CIITA: variants seen among roughly 807,000 people sequenced by gnomAD.
CIITA encodes class II major histocompatibility complex transactivator, also known as MHC class II transactivator.
In CIITA, 72 loss-of-function variants were observed where a neutral mutation model predicts 115.1. That is an observed-to-expected ratio of 0.63 (90% confidence interval 0.52 to 0.76). The LOEUF is 0.76. Ranked by LOEUF, CIITA falls within the 30% of genes least tolerant of loss-of-function variation. The pLI, the probability that CIITA is intolerant of heterozygous loss-of-function variation, is 0.00. For missense variants in CIITA, 1,617 were observed against 1,463.8 expected (o/e 1.10, Z -1.71); for synonymous variants, 763 against 635.6 (o/e 1.20, Z -3.02).
In CIITA at chr16:10,910,211, C is replaced by T. The variant is rs1318461153; in HGVS notation, c.2840C>T (p.Thr947Ile). The change falls in exon 13 of 20, where the codon ACA becomes ATA. Residue 947 changes from threonine to isoleucine, a missense_variant. Thr to Ile is a moderately conservative substitution (Grantham distance 89). Coordinates refer to ENST00000324288, the MANE Select transcript of CIITA (RefSeq NM_000246.4). ...AGGACGAGAAGTTCCTCGGAAGACA[C>T]AGCTGGGGAGCTCCCTGCTGTTCGG... ...TQRTRSSSEDTAGELPAVRDL... is the reference protein window; with the variant it reads ...TQRTRSSSEDIAGELPAVRDL... The T allele has an allele frequency of 1.9e-6, 3 of 1,614,118 alleles. No homozygotes were observed. The highest frequency in any genetic ancestry group is 1.7e-6 in the Non-Finnish European group (2 of 1,179,986).
In CIITA at chr16:10,901,955, C is replaced by T. The variant is rs745636357; in HGVS notation, c.482-83C>T. The T allele has an allele frequency of 1.5e-5, 23 of 1,557,578 alleles. No individual in the cohort carries two copies. The South Asian group carries it at 2.4e-4, about 17-fold the overall frequency. On this transcript the variant is annotated intron_variant, in intron 6 of 19. Transcript: ENST00000324288. The surrounding 1 kb of genome is among the most constrained non-coding windows in gnomAD (Gnocchi z 6.8). ...CAAGCATTTCCTCTGTCAGGAGAGA[C>T]ATCCATGCCACTCCAGGGCCCTCCC... is the stretch of plus-strand genomic sequence containing the variant.
At chr16:10,918,677 A>C in intron 16 of CIITA, 151 bp downstream of exon 16, 2 of 669,660 alleles carry the variant, frequency 3.0e-6, no homozygotes, top group South Asian at 3.7e-5. Flanking sequence ...TGGTGAAAGA[A>C]ACTCTGAGCA....
intron 1 of CIITA, among the ~76,000 whole-genome samples, chr16:10,894,941 G>T (rs2037971283): frequency 6.6e-6 from 1 of 152,182 alleles, no homozygotes; most frequent in Non-Finnish European, 1.5e-5. Context: ...TCATGTGCCT[G>T]GCGTATAGGA....
At chr16:10,877,506 C>A (rs1372555649) in intron 1 of CIITA, 124 bp downstream of exon 1, 2 of 1,005,030 alleles carry the variant, frequency 2.0e-6, no homozygotes, top group Non-Finnish European at 3.1e-6. Flanking sequence ...GAGTCTGTGT[C>A]CTGCTGGGGC....
intron 9 of CIITA, among the ~76,000 whole-genome samples, 159 bp downstream of exon 9, chr16:10,904,054 C>T (rs2038967010): frequency 6.6e-6 from 1 of 152,140 alleles, no homozygotes; most frequent in Non-Finnish European, 1.5e-5. Context: ...GGAGTGGAGG[C>T]ATGGTTGTGG....
At position 10,901,650 on chromosome 16, in the gene CIITA, A is replaced by C; in HGVS notation, c.481+92A>C. ...AACTCCTGGCCCAAGTCTGATGGGGATGGTGCATGGTGCAGCCCCTGCCCT... is the reference window on the plus strand; with the variant it reads ...AACTCCTGGCCCAAGTCTGATGGGGCTGGTGCATGGTGCAGCCCCTGCCCT... On this transcript the variant is annotated intron_variant, in intron 6 of 19. Coordinates refer to ENST00000324288, the MANE Select transcript of CIITA (RefSeq NM_000246.4). This position sits in a 1 kb window ranked among gnomAD's most constrained non-coding sequence, Gnocchi z 6.8. 7.7e-7 allele frequency: 1 copy of C among 1,295,824 alleles called. No individual in the cohort carries two copies. Among genetic ancestry groups the C allele is most frequent in the Non-Finnish European group, 1.1e-6 (1 of 914,246 alleles). 80.3% of individuals were successfully genotyped at this position (1,295,824 alleles called of 1,614,324 possible). A position where few individuals can be genotyped will look rare whatever the true frequency, so the allele number is the denominator to read the frequency against.
At position 10,924,545 on chromosome 16, in the gene CIITA, C is replaced by T. The variant is rs11074940; in HGVS notation, c.*690C>T. On this transcript the variant is annotated 3_prime_UTR_variant, in exon 20 of 20. Coordinates refer to ENST00000324288, the MANE Select transcript of CIITA (RefSeq NM_000246.4). ...ACTGCACCGGGCCACAGAGAAAGTA[C>T]TTCTCCACCCTGCTCTCCGACCAGA... 5,923 of 152,434 alleles carry T rather than the reference C, an allele frequency of 0.039. 182 individuals are homozygous for T. The highest frequency in any genetic ancestry group is 0.062 in the Non-Finnish European group (4,250 of 68,116). The allele number at this position is 152,434 out of a possible 1,614,324, so 9.4% of individuals were successfully genotyped here. A position where few individuals can be genotyped will look rare whatever the true frequency, so the allele number is the denominator to read the frequency against.
chr16:10,890,060 T>C (rs1199151591), intron 1 of CIITA, among the ~76,000 whole-genome samples: 1 of 152,114 alleles, frequency 6.6e-6, no homozygotes. Flanking sequence ...AAATCCTTGA[T>C]CACCCAAGAG....
At chr16:10,866,469 C>T (rs764526472) in intron 1 of CIITA, 3 of 565,068 alleles carry the variant, frequency 5.3e-6, no homozygotes, top group South Asian at 4.2e-5. Flanking sequence ...TCTCTTTGAC[C>T]CTACTAGAGA....
intron 1 of CIITA, among the ~76,000 whole-genome samples, chr16:10,882,505 G>A (rs2036527634): frequency 6.6e-6 from 1 of 152,206 alleles, no homozygotes; most frequent in Admixed American, 6.5e-5. Context: ...AAGGCAGGAT[G>A]ATGGCTTGAG....
In CIITA at chr16:10,899,987, A is replaced by G. The variant is rs572999347; in HGVS notation, c.436+985A>G. On this transcript the variant is annotated intron_variant, in intron 5 of 19. Coordinates refer to ENST00000324288, the MANE Select transcript of CIITA (RefSeq NM_000246.4). ...TCCCAGCTACTCGGGAGGCTGAGGCAGGAGAATCGCTTGAACCCAGGAGGT... is the reference window on the plus strand; with the variant it reads ...TCCCAGCTACTCGGGAGGCTGAGGCGGGAGAATCGCTTGAACCCAGGAGGT... Among the ~76,000 whole-genome samples the G allele has an allele frequency of 3.3e-5, 5 of 152,222 alleles. No individual in the cohort carries two copies. In the East Asian group the frequency reaches 7.7e-4, roughly 24 times the overall value.
At chr16:10,898,840 C>G in intron 4 of CIITA, 85 bp from the exon 5 acceptor site, 1 of 1,587,070 alleles carries the variant, frequency 6.3e-7, no homozygotes, top group Non-Finnish European at 8.7e-7. Flanking sequence ...GCAGTCAGAC[C>G]CCTCTCCCCA....
At chr16:10,938,489 G>A, downstream of CIITA, 1 of 152,208 alleles carries the variant, frequency 6.6e-6, no homozygotes. This position sits in a 1 kb window ranked among gnomAD's most constrained non-coding sequence, Gnocchi z 4.9. Context: ...TGGCGTGTGG[G>A]GAACACATGT....
intron 8 of CIITA, among the ~76,000 whole-genome samples, chr16:10,903,505 C>G (rs969351963): frequency 6.6e-6 from 1 of 152,200 alleles, no homozygotes; most frequent in East Asian, 1.9e-4. Context: ...TCCTTATGAG[C>G]TAATTGCACC....
chr16:10,907,648 C>T lies in CIITA; in HGVS notation c.2156C>T (p.Ala719Val). The change falls in exon 11 of 20, where the codon GCC (alanine) becomes GTC (valine). Residue 719 changes from alanine to valine, a missense_variant. By Grantham distance (64) the Ala-to-Val change is moderately conservative. Transcript: ENST00000324288. The surrounding 1 kb of genome is among the most constrained non-coding windows in gnomAD (Gnocchi z 5.0). ...PSFLLQCFLG[A>V]LWLALSGEIK... ...TTCCTCCTGCAATGCTTCCTGGGGGCCCTGTGGCTGGCTCTGAGTGGCGAA... is the reference window on the plus strand; with the variant it reads ...TTCCTCCTGCAATGCTTCCTGGGGGTCCTGTGGCTGGCTCTGAGTGGCGAA... The T allele has an allele frequency of 6.2e-7, 1 of 1,614,234 alleles. No homozygotes were observed. Among genetic ancestry groups the T allele is most frequent in the South Asian group, 1.1e-5 (1 of 91,082 alleles).
rs761978819 is a variant in CIITA, at chr16:10,906,668, G to C, written c.1176G>C (p.Leu392=). ...CCCCGGACTGGGCAGAACGGCAGCT[G>C]GCCCAAGGAGGCCTGGCTGAGGTGC... ...LATPDWAERQ[L]AQGGLAEVLL... Residue 392 remains leucine, a synonymous_variant, in exon 11 of 20, where the codon CTG becomes CTC. Coordinates refer to ENST00000324288, the MANE Select transcript of CIITA (RefSeq NM_000246.4). 2 of 1,613,212 alleles carry C rather than the reference G, an allele frequency of 1.2e-6. No homozygotes were observed. Among genetic ancestry groups the C allele is most frequent in the African/African-American group, 2.7e-5 (2 of 74,944 alleles).
chr16:10,941,874 G>C lies in CIITA; in HGVS notation n.1000G>C, dbSNP rs2041107273. 1 of 1,612,180 alleles carries C rather than the reference G, an allele frequency of 6.2e-7. No individual in the cohort carries two copies. The highest frequency in any genetic ancestry group is 2.2e-5 in the East Asian group (1 of 44,878). ...TGAGGACGATGTACTCCATGAGGAA[G>C]GCGTAGTACAGGATCAGCACATTGA... On this transcript the variant is annotated non_coding_transcript_exon_variant, in exon 2 of 2. Transcript: ENST00000573379. This position sits in a 1 kb window ranked among gnomAD's most constrained non-coding sequence, Gnocchi z 6.4.
At chr16:10,868,928 C>T (rs561010681) in intron 1 of CIITA, among the ~76,000 whole-genome samples, 2 of 152,364 alleles carry the variant, frequency 1.3e-5, no homozygotes, top group South Asian at 2.1e-4. Flanking sequence ...AGCCAGCTTC[C>T]CTCCAGGGCT....
chr16:10,872,969 T>G (rs140019902), upstream of CIITA, among the ~76,000 whole-genome samples: 384 of 152,296 alleles, frequency 2.5e-3, 2 homozygotes, highest in African/African-American at 8.9e-3. Context: ...ATCTTCTATT[T>G]TATTATTTTA....
Sources: allele counts gnomAD v4.1 joint callset (sites outside exome capture counted in the v4.1 genomes callset), GRCh38; gene constraint gnomAD v4.1.1; non-coding constraint Gnocchi (gnomAD v3.1); transcripts MANE v1.5; gene names NCBI Gene and HGNC (gene_info 2026-07-23, HGNC 2026-07-21).